NPEPL1: variants seen among roughly 807,000 people sequenced by gnomAD.
NPEPL1 encodes the protein aminopeptidase like 1.
Under a neutral mutation model 52.4 loss-of-function variants are expected in NPEPL1, and 45 were observed. That is an observed-to-expected ratio of 0.86 (90% CI 0.68 to 1.10). The LOEUF (loss-of-function observed/expected upper bound fraction) is 1.10, where lower values mean the gene tolerates loss of function less well. Among genes scored for constraint, NPEPL1 ranks in the 50% least tolerant of loss-of-function variants. The pLI, the probability that NPEPL1 is intolerant of heterozygous loss-of-function variation, is 0.00. For synonymous variants in NPEPL1, 360 were observed against 314.7 expected (o/e 1.14, Z -1.52); for missense variants, 696 against 710.9 (o/e 0.98, Z 0.24).
At chr20:58,690,549 A>G (rs1339544783), upstream of NPEPL1, among the ~76,000 whole-genome samples, 1 of 152,238 alleles carries the variant, frequency 6.6e-6, no homozygotes, top group Non-Finnish European at 1.5e-5. Flanking sequence ...GGAAATTGGC[A>G]GGCATTTGAA....
At chr20:58,693,508 TC>T in intron 1 of NPEPL1, 1 of 464,428 alleles carries the variant, frequency 2.2e-6, no homozygotes. Context: ...GCCTGGCCCT[TC>T]CAGGCTTGGT....
At chr20:58,696,763 C>T (rs538424422) in intron 3 of NPEPL1, among the ~76,000 whole-genome samples, 22 of 152,364 alleles carry the variant, frequency 1.4e-4, no homozygotes, top group African/African-American at 4.3e-4. Flanking sequence ...GCTGTCAGGC[C>T]CTGCGCTGAG....
intron 6 of NPEPL1, chr20:58,704,203 G>A (rs577280526): frequency 1.0e-6 from 1 of 985,342 alleles, no homozygotes; most frequent in East Asian, 1.1e-4. Flanking sequence ...CTCCCCAGTG[G>A]CTGCCTGTAG....
At chr20:58,691,708 T>TTTTTTTTTTTTTTTTTTG, upstream of NPEPL1, 1 of 739,654 alleles carries the variant, frequency 1.4e-6, no homozygotes, top group Non-Finnish European at 2.1e-6. Context: ...TTTTTTTTTT[T>TTTTTTTTTTTTTTTTTTG]TTTTTTCATT....
rs538446239 is a variant in NPEPL1 at position 58,698,267 on chromosome 20, G to A, written c.508-417G>A. On this transcript the variant is annotated intron_variant, in intron 3 of 11. Transcript: ENST00000356091. ...GGATGACTGGGATCTTGGTGGGAGG[G>A]AAAGGACTGTGGGATCTGCAGAGGT... Among the ~76,000 whole-genome samples, 185 of 152,198 alleles carry A rather than the reference G, an allele frequency of 1.2e-3. 2 individuals carry two copies. Among genetic ancestry groups the A allele is most frequent in the Middle Eastern group, 6.8e-3 (2 of 294 alleles).
intron 5 of NPEPL1, among the ~76,000 whole-genome samples, chr20:58,699,895 T>C (rs1377374299): frequency 6.6e-6 from 1 of 152,240 alleles, no homozygotes; most frequent in Non-Finnish European, 1.5e-5. Flanking sequence ...AGCAGCTGAA[T>C]GCAGCAACAC....
chr20:58,713,504 C>G lies in NPEPL1; in HGVS notation c.1086C>G (p.Ala362=). 1.9e-6 allele frequency: 3 copies of G among 1,611,040 alleles called. No individual in the cohort carries two copies. The highest frequency in any genetic ancestry group is 2.5e-6 in the Non-Finnish European group (3 of 1,178,852). ...CCTATGCTTGCAAGGACCTGGGGGC[C>G]GACATCATCCTGGACATGGCCACCC... ...GVSYACKDLG[A]DIILDMATLT... Residue 362 remains alanine, a synonymous_variant, in exon 9 of 12, where the codon GCC becomes GCG. Transcript: ENST00000356091. The surrounding 1 kb of genome is among the most constrained non-coding windows in gnomAD (Gnocchi z 4.6).
intron 6 of NPEPL1, among the ~76,000 whole-genome samples, chr20:58,706,131 A>G (rs2084729041): frequency 1.3e-5 from 2 of 152,236 alleles, no homozygotes; most frequent in Admixed American, 1.3e-4. Flanking sequence ...AATGTGTAAC[A>G]CTGTCAACCA....
chr20:58,701,079 C>T lies in NPEPL1; in HGVS notation c.743C>T (p.Pro248Leu). The T allele has an allele frequency of 2.5e-6, 4 of 1,596,196 alleles. No homozygotes were observed. The highest frequency in any genetic ancestry group is 3.4e-6 in the Non-Finnish European group (4 of 1,172,364). ...GCCCTGGCCGTCCTCAGCCACACCC[C>T]AGATGGAGCCACGCAGACCATCGCC... ...PPALAVLSHT[P>L]DGATQTIAWV... Residue 248 changes from proline to leucine, a missense_variant, in exon 6 of 12, where the codon CCA (proline) becomes CTA (leucine). Pro to Leu is a moderately conservative substitution (Grantham distance 98, BLOSUM62 -3). Transcript: ENST00000356091.
intron 3 of NPEPL1, 126 bp from the exon 4 acceptor site, chr20:58,698,558 C>T (rs1195316646): frequency 1.3e-6 from 1 of 794,638 alleles, no homozygotes; most frequent in Non-Finnish European, 2.1e-6. Flanking sequence ...TCTCCCCTCT[C>T]TTTGCTGCCC....
In NPEPL1 at chr20:58,712,534, C is replaced by T; in HGVS notation, c.956C>T (p.Pro319Leu). Residue 319 changes from proline to leucine, a missense_variant, in exon 8 of 12, where the codon CCC (proline) becomes CTC (leucine). Physicochemically the swap from Pro to Leu is moderately conservative, Grantham distance 98 (BLOSUM62 -3). Coordinates refer to ENST00000356091, the MANE Select transcript of NPEPL1 (RefSeq NM_024663.4). ...VFCLAENSVG[P>L]NATRPDDIHL... ...TGCTTGGCTGAGAACTCGGTGGGGCCCAATGCGACAAGGCCAGATGACATC... is the reference window on the plus strand; with the variant it reads ...TGCTTGGCTGAGAACTCGGTGGGGCTCAATGCGACAAGGCCAGATGACATC... 1 of 1,613,708 alleles carries T rather than the reference C, an allele frequency of 6.2e-7. No individual in the cohort carries two copies. Among genetic ancestry groups the T allele is most frequent in the Non-Finnish European group, 8.5e-7 (1 of 1,179,802 alleles).
Position 58,713,347 on chromosome 20 carries a change from C to T in NPEPL1, c.1002-73C>T, listed in dbSNP as rs1601138457. On this transcript the variant is annotated intron_variant, in intron 8 of 11. Coordinates refer to ENST00000356091, the MANE Select transcript of NPEPL1 (RefSeq NM_024663.4). The surrounding 1 kb of genome is among the most constrained non-coding windows in gnomAD (Gnocchi z 4.6). ...ATGGGCAGCTCCAAATGGGGTCTCC[C>T]CAGTTTCAAAGGGGCTCATGCCAGT... 1 of 1,491,652 alleles carries T rather than the reference C, an allele frequency of 6.7e-7. No individual in the cohort carries two copies. The highest frequency in any genetic ancestry group is 1.3e-5 in the South Asian group (1 of 75,562). 92.4% of individuals were successfully genotyped at this position (1,491,652 alleles called of 1,614,324 possible).
Position 58,702,550 on chromosome 20 carries a change from G to GA in NPEPL1, c.822+1398dup, listed in dbSNP as rs796476388. Among the ~76,000 whole-genome samples, 30 of 151,944 alleles carry GA rather than the reference G, an allele frequency of 2.0e-4. No homozygotes were observed. The East Asian group carries it at 5.2e-3, about 26-fold the overall frequency. On this transcript the variant is annotated intron_variant, in intron 6 of 11. Transcript: ENST00000356091. The stretch of plus-strand genomic sequence containing the variant: ...AAGGGTTTTTTGTTTTTTTTTAATA[G>GA]AAAAAACATGCCTCCCTATGGGTCT...
intron 7 of NPEPL1, among the ~76,000 whole-genome samples, chr20:58,712,253 G>A (rs912405439): frequency 2.0e-5 from 3 of 152,178 alleles, no homozygotes; most frequent in Admixed American, 6.5e-5. Flanking sequence ...CCACTGCGGC[G>A]GGTGGCCTCT....
chr20:58,707,627 A>G (rs1465210600), intron 7 of NPEPL1, among the ~76,000 whole-genome samples: 2 of 147,112 alleles, frequency 1.4e-5, no homozygotes, highest in Non-Finnish European at 3.0e-5. Flanking sequence ...TCCAACCCCC[A>G]GGCCTGGCCA....
At chr20:58,714,329 C>A in intron 10 of NPEPL1, 1 of 610,552 alleles carries the variant, frequency 1.6e-6, no homozygotes, top group Non-Finnish European at 2.8e-6. Context: ...TTGGGTCTGG[C>A]TCAGTTGCCC....
intron 7 of NPEPL1, among the ~76,000 whole-genome samples, chr20:58,707,475 A>AT (rs1481871878): frequency 6.6e-6 from 1 of 152,248 alleles, no homozygotes; most frequent in African/African-American, 2.4e-5. Context: ...GGTTGGCTCA[A>AT]TGAGGAAGCC....
At chr20:58,701,577 C>T (rs1210090059) in intron 6 of NPEPL1, among the ~76,000 whole-genome samples, 1 of 152,138 alleles carries the variant, frequency 6.6e-6, no homozygotes, top group Non-Finnish European at 1.5e-5. Context: ...AAACAAAAGC[C>T]TGGCCAGGGC....
At chr20:58,692,675 C>G, upstream of NPEPL1, 1 of 352,830 alleles carries the variant, frequency 2.8e-6, no homozygotes, top group Non-Finnish European at 3.9e-6. The surrounding 1 kb of genome is among the most constrained non-coding windows in gnomAD (Gnocchi z 5.7). Context: ...CGGGCCTGCC[C>G]GGCCGGGCCT....
Sources: gnomAD v4.1 joint callset for allele counts (sites outside exome capture counted in the v4.1 genomes callset) on GRCh38, gnomAD v4.1.1 for gene constraint, Gnocchi (gnomAD v3.1) non-coding constraint, MANE v1.5 for transcripts, NCBI Gene and HGNC (gene_info 2026-07-23, HGNC 2026-07-21) for gene names.